Variants in KIF12 observed in about 807,000 individuals in gnomAD.
KIF12 encodes kinesin family member 12.
Under a neutral mutation model 87.9 loss-of-function variants are expected in KIF12, and 80 were observed. That is an observed-to-expected ratio of 0.91 (90% CI 0.76 to 1.10). The LOEUF (loss-of-function observed/expected upper bound fraction) is 1.10, where lower values mean the gene tolerates loss of function less well. Ranked by LOEUF, KIF12 falls within the 50% of genes least tolerant of loss-of-function variation. The pLI is 0.00. For missense variants in KIF12, 819 were observed against 865.3 expected (o/e 0.95, Z 0.67); for synonymous variants, 353 against 348.5 (o/e 1.01, Z -0.14).
chr9:114,093,395 C>A lies in KIF12; in HGVS notation c.1491+12G>T. On this transcript the variant is annotated intron_variant, in intron 15 of 18. Transcript: ENST00000640217. The stretch of plus-strand genomic sequence containing the variant: ...TACTTGTCACCCCTCCAGGCTGGGC[C>A]GTGAGACTCACATGGCAAGGGGGAG... 6.4e-7 allele frequency: 1 copy of A among 1,560,488 alleles called. No individual in the cohort carries two copies. The highest frequency in any genetic ancestry group is 8.7e-7 in the Non-Finnish European group (1 of 1,151,702).
At position 114,097,596 on chromosome 9, in the gene KIF12, C is replaced by T. The variant is rs180786372; in HGVS notation, c.510+11G>A. On this transcript the variant is annotated intron_variant, in intron 6 of 18. Coordinates refer to ENST00000640217, the MANE Select transcript of KIF12 (RefSeq NM_001388308.1). ...TCATGGGCTGTCTTTCTATTCCTCT[C>T]ATTCCCTTACCTGCTCATTGTAGAT... 1.4e-4 allele frequency: 232 copies of T among 1,613,870 alleles called. No homozygotes were observed. The African/African-American group carries it at 2.7e-3, about 19-fold the overall frequency.
In KIF12 at chr9:114,097,431, C is replaced by T; in HGVS notation, c.516G>A (p.Arg172=). The change falls in exon 7 of 19, where the codon CGG becomes CGA. Residue 172 remains arginine, a synonymous_variant. Coordinates refer to ENST00000640217, the MANE Select transcript of KIF12 (RefSeq NM_001388308.1). ...SYLEIYNEQV[R]DLLSLGSPRP... ...GGGGAGACCCCAGGCTCAGCAAGTCCCGAACCTGGGAGGGGAGGGAGGAGG... is the reference window on the plus strand; with the variant it reads ...GGGGAGACCCCAGGCTCAGCAAGTCTCGAACCTGGGAGGGGAGGGAGGAGG... 6.3e-7 allele frequency: 1 copy of T among 1,590,806 alleles called. No individual in the cohort carries two copies.
intron 16 of KIF12, 98 bp from the exon 17 acceptor site, chr9:114,092,740 C>T (rs1847046898): frequency 2.7e-6 from 4 of 1,508,046 alleles, no homozygotes; most frequent in South Asian, 1.3e-5. Flanking sequence ...CATGCCTACC[C>T]CACAAGGTAC....
chr9:114,097,351 C>T lies in KIF12; in HGVS notation c.596G>A (p.Arg199Gln), dbSNP rs764183720. The change falls in exon 7 of 19, where the codon CGG (arginine) becomes CAG (glutamine). Residue 199 changes from arginine to glutamine, a missense_variant. Arg to Gln is a conservative substitution (Grantham distance 43). Coordinates refer to ENST00000640217, the MANE Select transcript of KIF12 (RefSeq NM_001388308.1). ...CTCCAGACTCCCAAATTCCACCACC[C>T]GCAGCTGCTCCACATAGAAGCCCCG... is the stretch of plus-strand genomic sequence containing the variant. ...KTRGFYVEQLRVVEFGSLEAL... is the reference protein window; with the variant it reads ...KTRGFYVEQLQVVEFGSLEAL... The T allele has an allele frequency of 5.0e-6, 8 of 1,610,904 alleles. No individual in the cohort carries two copies. In the Admixed American group the frequency reaches 1.2e-4, roughly 24 times the overall value.
chr9:114,093,397 T>C lies in KIF12; in HGVS notation c.1491+10A>G, dbSNP rs1171898754. 6 of 1,561,610 alleles carry C rather than the reference T, an allele frequency of 3.8e-6. No individual in the cohort carries two copies. In the East Asian group the frequency reaches 7.1e-5, roughly 18 times the overall value. On this transcript the variant is annotated intron_variant, in intron 15 of 18. Coordinates refer to ENST00000640217, the MANE Select transcript of KIF12 (RefSeq NM_001388308.1). ...CTTGTCACCCCTCCAGGCTGGGCCG[T>C]GAGACTCACATGGCAAGGGGGAGCT... is the stretch of plus-strand genomic sequence containing the variant.
Position 114,098,439 on chromosome 9 carries a change from G to C in KIF12, c.172-10C>G. On this transcript the variant is annotated splice_polypyrimidine_tract_variant and intron_variant, in intron 3 of 18. Transcript: ENST00000640217. ...CGCCTGGAGGACTCACCTGGCGCGG[G>C]TGGGGCGGAGGAGCGGGGCACTCTG... 7.2e-7 allele frequency: 1 copy of C among 1,394,624 alleles called. No individual in the cohort carries two copies. Among genetic ancestry groups the C allele is most frequent in the South Asian group, 1.3e-5 (1 of 74,936 alleles). 86.4% of individuals were successfully genotyped at this position (1,394,624 alleles called of 1,614,324 possible).
chr9:114,094,941 T>G (rs1414090967), intron 11 of KIF12, 82 bp downstream of exon 11: 1 of 1,245,118 alleles, frequency 8.0e-7, no homozygotes, highest in Non-Finnish European at 1.1e-6. Context: ...AAGACTTCAA[T>G]CAAGGGACTC....
In KIF12 at chr9:114,096,397, C is replaced by G. The variant is rs770719763; in HGVS notation, c.728G>C (p.Ser243Thr). 3 of 1,612,922 alleles carry G rather than the reference C, an allele frequency of 1.9e-6. No individual in the cohort carries two copies. The highest frequency in any genetic ancestry group is 1.7e-5 in the Admixed American group (1 of 59,864). ...RSHALLTLYI[S>T]RQTAQQMPSV... The stretch of plus-strand genomic sequence containing the variant: ...GGCTGGAGCACTCACAGTTTGACGG[C>G]TGATGTAAAGGGTGAGCAGGGCATG... The change falls in exon 8 of 19, where the codon AGC (serine) becomes ACC (threonine). Residue 243 changes from serine (S) to threonine (T), a missense_variant. Ser to Thr is a moderately conservative substitution (Grantham distance 58). Transcript: ENST00000640217.
chr9:114,091,807 G>A lies in KIF12; in HGVS notation c.*54C>T. ...CAGATGGGCAGACTGAAGCCCAAGAGTGTGGAGCCCAGTCTGAGGTCACAC... is the reference window on the plus strand; with the variant it reads ...CAGATGGGCAGACTGAAGCCCAAGAATGTGGAGCCCAGTCTGAGGTCACAC... On this transcript the variant is annotated 3_prime_UTR_variant, in exon 19 of 19. Coordinates refer to ENST00000640217, the MANE Select transcript of KIF12 (RefSeq NM_001388308.1). 1 of 1,517,070 alleles carries A rather than the reference G, an allele frequency of 6.6e-7. No individual in the cohort carries two copies. Among genetic ancestry groups the A allele is most frequent in the South Asian group, 1.3e-5 (1 of 78,312 alleles). 94.0% of individuals were successfully genotyped at this position (1,517,070 alleles called of 1,614,324 possible). A position where few individuals can be genotyped will look rare whatever the true frequency, so the allele number is the denominator to read the frequency against.
chr9:114,098,055 C>T (rs1049648115), intron 5 of KIF12, 60 bp downstream of exon 5: 1 of 1,479,284 alleles, frequency 6.8e-7, no homozygotes, highest in African/African-American at 1.4e-5. Flanking sequence ...GCCTGCGGCT[C>T]CCCAGGGCTT....
intron 16 of KIF12, chr9:114,092,997 G>T: frequency 1.5e-6 from 2 of 1,317,886 alleles, no homozygotes; most frequent in Non-Finnish European, 2.0e-6. Context: ...GTGAGTGAAT[G>T]AATAAGTGAA....
chr9:114,095,402 G>T, intron 9 of KIF12, 70 bp from the exon 10 acceptor site: 1 of 1,510,240 alleles, frequency 6.6e-7, no homozygotes. Context: ...GGATGCTGCA[G>T]AGTTGGGCTC....
At position 114,098,398 on chromosome 9, in the gene KIF12, G is replaced by T; in HGVS notation, c.203C>A (p.Ala68Glu). 1 of 1,512,034 alleles carries T rather than the reference G, an allele frequency of 6.6e-7. No homozygotes were observed. 93.7% of individuals were successfully genotyped at this position (1,512,034 alleles called of 1,614,324 possible). The change falls in exon 4 of 19, where the codon GCG becomes GAG. Residue 68 changes from alanine (A) to glutamate (E), a missense_variant. By Grantham distance (107) the Ala-to-Glu change is moderately radical. Coordinates refer to ENST00000640217, the MANE Select transcript of KIF12 (RefSeq NM_001388308.1). Reference protein sequence around the residue: ...VSPPGGGPEVAFRFGAVLDAA... With the variant: ...VSPPGGGPEVEFRFGAVLDAA... ...GTCTAGCACCGCACCGAAGCGGAACGCCACTTCTGGACCCCCGCCTGGAGG... is the reference window on the plus strand; with the variant it reads ...GTCTAGCACCGCACCGAAGCGGAACTCCACTTCTGGACCCCCGCCTGGAGG...
intron 11 of KIF12, 118 bp downstream of exon 11, chr9:114,094,904 AC>A: frequency 1.1e-6 from 1 of 895,004 alleles, no homozygotes. Context: ...CAGGATTCCA[AC>A]CCTAATCCCA....
chr9:114,092,553 G>A lies in KIF12; in HGVS notation c.1686C>T (p.Cys562=). The change falls in exon 17 of 19, where the codon TGC becomes TGT. Residue 562 remains cysteine, a synonymous_variant. Coordinates refer to ENST00000640217, the MANE Select transcript of KIF12 (RefSeq NM_001388308.1). The part of the protein sequence containing the change: ...APPCSPGSAK[C]PRERSHSDWT... Reference sequence around the variant, plus strand: ...CAGGAGAGACCCACCTCTCTCTTGGGCACTTGGCAGAGCCAGGGCTGCATG... The same window carrying A: ...CAGGAGAGACCCACCTCTCTCTTGGACACTTGGCAGAGCCAGGGCTGCATG... 1 of 1,611,894 alleles carries A rather than the reference G, an allele frequency of 6.2e-7. No individual in the cohort carries two copies. Among genetic ancestry groups the A allele is most frequent in the Non-Finnish European group, 8.5e-7 (1 of 1,179,598 alleles).
In KIF12 at chr9:114,093,872, G is replaced by C. The variant is rs1242870689; in HGVS notation, c.1400+14C>G. 6.2e-7 allele frequency: 1 copy of C among 1,610,704 alleles called. No individual in the cohort carries two copies. On this transcript the variant is annotated intron_variant, in intron 14 of 18. Coordinates refer to ENST00000640217, the MANE Select transcript of KIF12 (RefSeq NM_001388308.1). ...TGTCCAGAGGCCTGGCTCCAAGCTG[G>C]TGGCTCTGCTTACCTCTCTAGTGCA... is the stretch of plus-strand genomic sequence containing the variant.
chr9:114,098,063 C>T lies in KIF12; in HGVS notation c.375+52G>A, dbSNP rs1355449939. The T allele has an allele frequency of 5.3e-6, 8 of 1,508,316 alleles. No individual in the cohort carries two copies. The Admixed American group carries it at 1.4e-4, about 26-fold the overall frequency. The allele number at this position is 1,508,316 out of a possible 1,614,324, so 93.4% of individuals were successfully genotyped here. ...CTGCGCCGCCTGCGGCTCCCCAGGG[C>T]TTCCAGCCCACCCAGCCCCGCCCCG... On this transcript the variant is annotated intron_variant, in intron 5 of 18. Coordinates refer to ENST00000640217, the MANE Select transcript of KIF12 (RefSeq NM_001388308.1).
At position 114,094,593 on chromosome 9, in the gene KIF12, G is replaced by T; in HGVS notation, c.1120-138C>A. 7 of 619,766 alleles carry T rather than the reference G, an allele frequency of 1.1e-5. No homozygotes were observed. In the Admixed American group the frequency reaches 1.7e-4, roughly 15 times the overall value. 38.4% of individuals were successfully genotyped at this position (619,766 alleles called of 1,614,324 possible). ...CGTCAGCCTTGCATCTTGGCACAAGGCTGTATCTGCCTGGAAGGGGCACCT... is the reference window on the plus strand; with the variant it reads ...CGTCAGCCTTGCATCTTGGCACAAGTCTGTATCTGCCTGGAAGGGGCACCT... On this transcript the variant is annotated intron_variant, in intron 11 of 18. Coordinates refer to ENST00000640217, the MANE Select transcript of KIF12 (RefSeq NM_001388308.1).
intron 18 of KIF12, 67 bp from the exon 19 acceptor site, chr9:114,092,067 C>T: frequency 6.5e-7 from 1 of 1,537,670 alleles, no homozygotes; most frequent in Non-Finnish European, 8.8e-7. Flanking sequence ...CCATCTGGGT[C>T]CCAACACCCT....
Sources: allele counts gnomAD v4.1 joint callset, GRCh38; gene constraint gnomAD v4.1.1; transcripts MANE v1.5; gene names NCBI Gene and HGNC (gene_info 2026-07-23, HGNC 2026-07-21).